Variants in KIAA1217 observed in about 807,000 individuals in gnomAD.
The protein encoded by KIAA1217 is KIAA1217.
KIAA1217 carries 88 observed loss-of-function variants against 163.9 expected under a neutral mutation model. The observed-to-expected ratio is 0.54, with a 90% CI of 0.45 to 0.64. The LOEUF (loss-of-function observed/expected upper bound fraction) is 0.64. KIAA1217 is among the 30% of genes least tolerant of loss of function. The pLI is 0.00. For missense variants in KIAA1217, 2,372 were observed against 2,475.0 expected (o/e 0.96, Z 0.88); for synonymous variants, 903 against 923.1 (o/e 0.98, Z 0.39).
chr10:23,991,268 G>T (rs1353092756), intron 1 of KIAA1217, among the ~76,000 whole-genome samples: 1 of 152,174 alleles, frequency 6.6e-6, no homozygotes, highest in Non-Finnish European at 1.5e-5. Flanking sequence ...ACACTCGATT[G>T]TTCAGTTTTG....
chr10:24,508,549 G>A (rs56165468), intron 9 of KIAA1217, among the ~76,000 whole-genome samples: 2 of 152,114 alleles, frequency 1.3e-5, no homozygotes, highest in Non-Finnish European at 2.9e-5. Context: ...TGTCTAATTG[G>A]CTTTACTCAC....
chr10:24,084,156 G>A (rs186218380), intron 2 of KIAA1217, among the ~76,000 whole-genome samples: 63 of 152,240 alleles, frequency 4.1e-4, no homozygotes, highest in African/African-American at 1.5e-3. Context: ...AATTATAAAT[G>A]CAGAATGCTT....
chr10:24,372,216 A>G (rs1163119787), intron 2 of KIAA1217, among the ~76,000 whole-genome samples: 1 of 152,200 alleles, frequency 6.6e-6, no homozygotes, highest in African/African-American at 2.4e-5. Context: ...GCTGCAGCCA[A>G]GGAGACAGAA....
chr10:24,492,808 C>A (rs893831665), intron 6 of KIAA1217, among the ~76,000 whole-genome samples: 6 of 152,016 alleles, frequency 3.9e-5, no homozygotes, highest in African/African-American at 1.4e-4. Flanking sequence ...GATGCACCAG[C>A]TTAATCAGTT....
In KIAA1217 at chr10:23,909,635, A is replaced by G. The variant is rs142963883; in HGVS notation, c.-320-97590A>G. Reference sequence around the variant, plus strand: ...AAAGGATATGAACTCATCTTTTTTTATGGCTGCATAGTATTCCATGGTGTA... The same window carrying G: ...AAAGGATATGAACTCATCTTTTTTTGTGGCTGCATAGTATTCCATGGTGTA... On this transcript the variant is annotated intron_variant, in intron 1 of 18. Coordinates refer to the KIAA1217 transcript ENST00000376462. 4.2e-3 allele frequency among the ~76,000 whole-genome samples: 639 copies of G among 152,278 alleles called. 8 individuals are homozygous for G. The highest frequency in any genetic ancestry group is 0.014 in the African/African-American group (580 of 41,572).
chr10:24,543,631 G>A lies in KIAA1217; in HGVS notation c.4361G>A (p.Arg1454Gln), dbSNP rs762752750. The change falls in exon 19 of 21, where the codon CGG becomes CAG. Residue 1454 changes from arginine (R) to glutamine (Q), a missense_variant. Around this residue, in one of 3 missense-constraint regions of KIAA1217, gnomAD observed 690 missense variants for 677.5 expected, o/e 1.02. Coordinates refer to ENST00000376454, the MANE Select transcript of KIAA1217 (RefSeq NM_019590.5). ...IIIFDEPMDI[R>Q]SAYKRLSTIF... is the part of the protein sequence containing the mutation. ...ATTTTCGATGAGCCCATGGACATCCGGTCTGCCTATAAGAGACTTTCAACT... is the reference window on the plus strand; with the variant it reads ...ATTTTCGATGAGCCCATGGACATCCAGTCTGCCTATAAGAGACTTTCAACT... 1.7e-5 allele frequency: 27 copies of A among 1,613,928 alleles called. No individual in the cohort carries two copies. Among genetic ancestry groups the A allele is most frequent in the African/African-American group, 4.0e-5 (3 of 74,864 alleles).
At chr10:24,027,967 A>G (rs946311067) in intron 2 of KIAA1217, among the ~76,000 whole-genome samples, 2 of 152,108 alleles carry the variant, frequency 1.3e-5, no homozygotes, top group Non-Finnish European at 2.9e-5. Flanking sequence ...TTCTTCATCT[A>G]TATAATAACA....
At chr10:23,895,274 T>A (rs1461924711) in intron 1 of KIAA1217, among the ~76,000 whole-genome samples, 1 of 151,830 alleles carries the variant, frequency 6.6e-6, no homozygotes, top group Non-Finnish European at 1.5e-5. Context: ...GAATCTACAA[T>A]GAACTCAAAC....
intron 1 of KIAA1217, among the ~76,000 whole-genome samples, chr10:23,898,562 ACTTT>A (rs1244300679): frequency 3.3e-5 from 5 of 152,040 alleles, no homozygotes; most frequent in Admixed American, 6.6e-5. Context: ...TTCTTCTGCA[ACTTT>A]CTTCTTAAAA....
At chr10:24,521,594 C>A (rs1052607986) in intron 11 of KIAA1217, among the ~76,000 whole-genome samples, 188 bp from the exon 12 acceptor site, 1 of 152,172 alleles carries the variant, frequency 6.6e-6, no homozygotes, top group African/African-American at 2.4e-5. Context: ...CCTAGAGGAG[C>A]TTTACCCTTG....
intron 1 of KIAA1217, among the ~76,000 whole-genome samples, chr10:23,965,898 C>G (rs1356041914): frequency 6.6e-6 from 1 of 152,198 alleles, no homozygotes; most frequent in Non-Finnish European, 1.5e-5. Context: ...TAACTTTCAG[C>G]AAGAGTGGGT....
intron 1 of KIAA1217, among the ~76,000 whole-genome samples, chr10:23,991,846 G>A (rs1323533338): frequency 6.6e-6 from 1 of 152,130 alleles, no homozygotes; most frequent in African/African-American, 2.4e-5. Context: ...GGGGCAGGGG[G>A]ATTCATGATA....
intron 1 of KIAA1217, among the ~76,000 whole-genome samples, chr10:23,983,035 T>C (rs1845835692): frequency 6.6e-6 from 1 of 152,016 alleles, no homozygotes. Context: ...GGTCTTCTCA[T>C]TCTCCCAAGA....
intron 1 of KIAA1217, among the ~76,000 whole-genome samples, chr10:23,711,318 C>T (rs763800288): frequency 2.6e-5 from 4 of 152,092 alleles, no homozygotes; most frequent in Non-Finnish European, 5.9e-5. Flanking sequence ...TTGATCAATG[C>T]CTTTGATTAT....
At chr10:24,524,236 C>T in intron 12 of KIAA1217, 87 bp from the exon 13 acceptor site, 1 of 1,400,338 alleles carries the variant, frequency 7.1e-7, no homozygotes, top group South Asian at 1.3e-5. Context: ...GTGACTCTCA[C>T]CTGGCTTTGG....
In KIAA1217 at chr10:23,766,990, A is replaced by T. The variant is rs144228046; in HGVS notation, c.-321+71756A>T. Among the ~76,000 whole-genome samples, 1,110 of 152,308 alleles carry T rather than the reference A, an allele frequency of 7.3e-3. 19 individuals are homozygous for T. Among genetic ancestry groups the T allele is most frequent in the African/African-American group, 0.025 (1,019 of 41,564 alleles). ...TGCTAAATAAAAGGGATTCAGAGAC[A>T]GGCACAGAGTCCTACCTCCAAAGGA... On this transcript the variant is annotated intron_variant, in intron 1 of 18. Transcript: ENST00000376462.
At chr10:24,009,571 C>T (rs1332800942) in intron 2 of KIAA1217, among the ~76,000 whole-genome samples, 2 of 152,176 alleles carry the variant, frequency 1.3e-5, no homozygotes, top group African/African-American at 4.8e-5. Flanking sequence ...ATGTCACATG[C>T]TGTGCAGTGT....
At chr10:24,023,522 T>C (rs1847820516) in intron 2 of KIAA1217, among the ~76,000 whole-genome samples, 1 of 151,532 alleles carries the variant, frequency 6.6e-6, no homozygotes. Flanking sequence ...GAAATACCAA[T>C]TGGAGGACCT....
chr10:23,771,740 G>T (rs1834804746), intron 1 of KIAA1217, among the ~76,000 whole-genome samples: 1 of 152,178 alleles, frequency 6.6e-6, no homozygotes. Context: ...GTGTTTAAGG[G>T]TCAGTCTTGG....
Sources: gnomAD v4.1 joint callset for allele counts (sites outside exome capture counted in the v4.1 genomes callset) on GRCh38, gnomAD v4.1.1 for gene constraint, gnomAD v4.1.1 regional missense constraint, MANE v1.5 for transcripts, NCBI Gene and HGNC (gene_info 2026-07-23, HGNC 2026-07-21) for gene names.